The following BACE1-AS variants were observed in gnomAD, a reference collection of about 807,000 sequenced individuals.
BACE1-AS encodes BACE1 antisense RNA.
intron 2 of BACE1-AS, chr11:117,291,905 T>A: frequency 1.2e-6 from 1 of 824,554 alleles, no homozygotes; most frequent in Non-Finnish European, 2.0e-6. Context: ...CCCAGCTGGG[T>A]TGGCATCTTG....
chr11:117,291,485 T>C (rs539485118), intron 1 of BACE1-AS, among the ~76,000 whole-genome samples: 50 of 151,922 alleles, frequency 3.3e-4, no homozygotes, highest in Middle Eastern at 3.4e-3. Context: ...ACCCTGTTGG[T>C]CAGGCTGGTC....
chr11:117,291,676 T>G, intron 1 of BACE1-AS: 1 of 1,464,622 alleles, frequency 6.8e-7, no homozygotes, highest in Non-Finnish European at 9.6e-7. Flanking sequence ...TCTGACACTG[T>G]ACCATCTCTT....
At chr11:117,291,993 T>C (rs1237368090) in intron 2 of BACE1-AS, 2 of 469,586 alleles carry the variant, frequency 4.3e-6, no homozygotes, top group African/African-American at 3.9e-5. Flanking sequence ...AAAGTGAGGA[T>C]AAAAATAGCA....
chr11:117,291,490 C>T (rs1186802989), intron 1 of BACE1-AS, among the ~76,000 whole-genome samples: 1 of 152,060 alleles, frequency 6.6e-6, no homozygotes, highest in Non-Finnish European at 1.5e-5. Flanking sequence ...GTTGGTCAGG[C>T]TGGTCTTGAA....
chr11:117,291,653 C>G (rs2034440747), intron 1 of BACE1-AS: 1 of 1,269,452 alleles, frequency 7.9e-7, no homozygotes, highest in African/African-American at 1.5e-5. Flanking sequence ...GAATGTGACT[C>G]TCACCGCCTC....
At chr11:117,291,757 C>T (rs761002162) in exon 2 of BACE1-AS, 2 of 1,613,652 alleles carry the variant, frequency 1.2e-6, no homozygotes, top group Admixed American at 3.3e-5. Flanking sequence ...CAAACACTTT[C>T]TTGGGCAAAC....
intron 1 of BACE1-AS, chr11:117,291,666 TCTGACA>T: frequency 7.1e-7 from 1 of 1,401,454 alleles, no homozygotes; most frequent in Non-Finnish European, 1.0e-6. Flanking sequence ...ACCGCCTCCC[TCTGACA>T]CTGTACCATC....
Position 117,291,665 on chromosome 11 carries a change from C to T in BACE1-AS, n.57-38C>T, listed in dbSNP as rs150090942. The T allele has an allele frequency of 4.1e-4, 573 of 1,393,710 alleles. 2 individuals carry two copies. In the African/African-American group the frequency reaches 7.3e-3, roughly 18 times the overall value. The allele number at this position is 1,393,710 out of a possible 1,614,324, so 86.3% of individuals were successfully genotyped here. ...GAAGAATGTGACTCTCACCGCCTCCCTCTGACACTGTACCATCTCTTTTAC... is the reference window on the plus strand; with the variant it reads ...GAAGAATGTGACTCTCACCGCCTCCTTCTGACACTGTACCATCTCTTTTAC... On this transcript the variant is annotated intron_variant and non_coding_transcript_variant, in intron 1 of 3. Coordinates refer to ENST00000614401, the Ensembl canonical transcript of BACE1-AS.
At chr11:117,291,864 G>T in intron 2 of BACE1-AS, 2 of 1,422,032 alleles carry the variant, frequency 1.4e-6, no homozygotes, top group Non-Finnish European at 2.0e-6. Context: ...TTGATGCTGG[G>T]CTCTGGGCAG....
At chr11:117,291,654 T>A (rs1477917741) in intron 1 of BACE1-AS, 1 of 1,277,838 alleles carries the variant, frequency 7.8e-7, no homozygotes, top group African/African-American at 1.5e-5. Context: ...AATGTGACTC[T>A]CACCGCCTCC....
rs2034451565 is a variant in BACE1-AS, at chr11:117,291,922, G to T, written n.125+151G>T. 7.4e-6 allele frequency: 5 copies of T among 677,998 alleles called. No homozygotes were observed. In the South Asian group the frequency reaches 8.1e-5, roughly 11 times the overall value. 42.0% of individuals were successfully genotyped at this position (677,998 alleles called of 1,614,324 possible). ...CAGCTGGGTTGGCATCTTGGCTTTG[G>T]CACCTCCTAAGTGTACCTGCTTGGA... is the stretch of plus-strand genomic sequence containing the variant. On this transcript the variant is annotated intron_variant and non_coding_transcript_variant, in intron 2 of 3. Transcript: ENST00000614401.
At chr11:117,291,754 T>G in exon 2 of BACE1-AS, 1 of 1,613,696 alleles carries the variant, frequency 6.2e-7, no homozygotes, top group South Asian at 1.1e-5. Context: ...CTTCAAACAC[T>G]TTCTTGGGCA....
chr11:117,291,871 G>T, intron 2 of BACE1-AS: 2 of 1,340,844 alleles, frequency 1.5e-6, no homozygotes, highest in Non-Finnish European at 2.1e-6. Flanking sequence ...TGGGCTCTGG[G>T]CAGTAGGGGG....
intron 1 of BACE1-AS, chr11:117,291,608 A>G: frequency 1.2e-6 from 1 of 805,032 alleles, no homozygotes; most frequent in Non-Finnish European, 2.1e-6. Flanking sequence ...TCTGAGTAGA[A>G]GGGTCTAAGT....
At chr11:117,291,607 A>G in intron 1 of BACE1-AS, 1 of 800,636 alleles carries the variant, frequency 1.2e-6, no homozygotes, top group Non-Finnish European at 2.1e-6. Flanking sequence ...CTCTGAGTAG[A>G]AGGGTCTAAG....
intron 2 of BACE1-AS, chr11:117,291,925 C>T: frequency 1.5e-6 from 1 of 662,530 alleles, no homozygotes; most frequent in Non-Finnish European, 2.8e-6. Flanking sequence ...GGCTTTGGCA[C>T]CTCCTAAGTG....
chr11:117,291,392 C>T (rs1282275050), intron 1 of BACE1-AS, among the ~76,000 whole-genome samples: 2 of 151,800 alleles, frequency 1.3e-5, no homozygotes, highest in Non-Finnish European at 1.5e-5. Flanking sequence ...ATTCTCCTGT[C>T]TCAGCCCCCT....
intron 1 of BACE1-AS, chr11:117,291,663 C>T (rs2034441471): frequency 1.5e-6 from 2 of 1,356,322 alleles, no homozygotes; most frequent in African/African-American, 1.4e-5. Context: ...CTCACCGCCT[C>T]CCTCTGACAC....
At chr11:117,291,835 TAA>T (rs1175471646) in intron 2 of BACE1-AS, 3 of 1,577,006 alleles carry the variant, frequency 1.9e-6, no homozygotes, top group Admixed American at 3.3e-5. Flanking sequence ...AAGAGAGAGT[TAA>T]AAGAGTCAAA....
Sources: allele counts gnomAD v4.1 joint callset (sites outside exome capture counted in the v4.1 genomes callset), GRCh38; gene constraint gnomAD v4.1.1; transcripts MANE v1.5; gene names NCBI Gene and HGNC (gene_info 2026-07-23, HGNC 2026-07-21).